Variants in GABRB3 observed in about 807,000 individuals in gnomAD.
GABRB3 encodes gamma-aminobutyric acid receptor subunit beta-3.
Under a neutral mutation model 52.1 loss-of-function variants are expected in GABRB3, and 14 were observed. That is an observed-to-expected ratio of 0.27 (90% CI 0.18 to 0.42). The LOEUF is 0.42. Ranked by LOEUF, GABRB3 falls within the 10% of genes least tolerant of loss-of-function variation. The pLI, the probability that GABRB3 is intolerant of heterozygous loss-of-function variation, is 1.00. For missense variants in GABRB3, 307 were observed against 609.1 expected (o/e 0.50, Z 5.22); for synonymous variants, 260 against 232.3 (o/e 1.12, Z -1.08).
chr15:26,635,095 C>A (rs190488448), intron 3 of GABRB3, among the ~76,000 whole-genome samples: 1 of 144,106 alleles, frequency 6.9e-6, no homozygotes, highest in African/African-American at 2.6e-5. Flanking sequence ...TTTTATTTTC[C>A]GGCAACTATC....
chr15:26,673,067 T>G (rs1887948255), intron 3 of GABRB3, among the ~76,000 whole-genome samples: 1 of 152,210 alleles, frequency 6.6e-6, no homozygotes, highest in Non-Finnish European at 1.5e-5. Context: ...ATTGACCTCC[T>G]ATCGTGTTTT....
At chr15:26,748,150 T>A (rs1044024364) in intron 3 of GABRB3, among the ~76,000 whole-genome samples, 6 of 152,112 alleles carry the variant, frequency 3.9e-5, no homozygotes, top group African/African-American at 7.2e-5. Context: ...TTTTGTGCCA[T>A]TGTTCTTGAG....
intron 4 of GABRB3, among the ~76,000 whole-genome samples, chr15:26,609,404 C>G (rs2140515150): frequency 6.6e-6 from 1 of 152,230 alleles, no homozygotes; most frequent in Middle Eastern, 3.4e-3. Flanking sequence ...ATTATGTGAA[C>G]AAACTATATC....
chr15:26,592,115 G>A (rs1891231262), intron 4 of GABRB3, among the ~76,000 whole-genome samples: 1 of 152,214 alleles, frequency 6.6e-6, no homozygotes, highest in Non-Finnish European at 1.5e-5. Context: ...AGCTGTCACA[G>A]CTGGAGGAAG....
At chr15:26,568,430 G>C (rs1377844570) in intron 6 of GABRB3, among the ~76,000 whole-genome samples, 1 of 152,058 alleles carries the variant, frequency 6.6e-6, no homozygotes, top group East Asian at 1.9e-4. Context: ...GACAGAGTGA[G>C]AAAATATGCC....
At chr15:26,622,514 G>T (rs921782603) in intron 3 of GABRB3, among the ~76,000 whole-genome samples, 4 of 152,176 alleles carry the variant, frequency 2.6e-5, no homozygotes, top group African/African-American at 9.7e-5. Context: ...TCCAACCACG[G>T]AGGGGAAAAA....
intron 3 of GABRB3, among the ~76,000 whole-genome samples, chr15:26,682,455 A>C (rs998842108): frequency 3.2e-4 from 49 of 152,336 alleles, no homozygotes; most frequent in African/African-American, 1.2e-3. Context: ...GTACTGACAT[A>C]ACCCCATGCA....
At chr15:26,580,712 A>G in intron 5 of GABRB3, 1 of 546,094 alleles carries the variant, frequency 1.8e-6, no homozygotes. Context: ...CCAGAGTTCT[A>G]TTTGCGAAGT....
At chr15:26,623,532 A>G (rs1349197823) in intron 3 of GABRB3, among the ~76,000 whole-genome samples, 3 of 132,516 alleles carry the variant, frequency 2.3e-5, no homozygotes, top group Non-Finnish European at 3.5e-5. Flanking sequence ...CACCCCAACC[A>G]TCTCTTTTGT....
chr15:26,664,704 GTTTTTTT>G (rs1162139952), intron 3 of GABRB3, among the ~76,000 whole-genome samples: 1 of 95,224 alleles, frequency 1.1e-5, no homozygotes, highest in Non-Finnish European at 1.9e-5. Context: ...TCTTTTCTTT[GTTTTTTT>G]TTTTTTTTTT....
At chr15:26,755,689 A>C in intron 3 of GABRB3, among the ~76,000 whole-genome samples, 1 of 152,194 alleles carries the variant, frequency 6.6e-6, no homozygotes, top group African/African-American at 2.4e-5. Context: ...GGACATTCCA[A>C]TGGGAGCCCA....
chr15:26,549,175 T>G (rs1445291636), intron 8 of GABRB3, among the ~76,000 whole-genome samples: 5 of 152,240 alleles, frequency 3.3e-5, no homozygotes, highest in Non-Finnish European at 7.3e-5. Context: ...TGTGTAGGAA[T>G]AATTTATTGC....
At chr15:26,709,708 A>G (rs550523535) in intron 3 of GABRB3, among the ~76,000 whole-genome samples, 6 of 151,920 alleles carry the variant, frequency 3.9e-5, no homozygotes, top group East Asian at 2.0e-4. Context: ...TAGTAGAGAC[A>G]GGGTTTCACC....
chr15:26,688,398 G>A (rs12593482), intron 3 of GABRB3, among the ~76,000 whole-genome samples: 2 of 152,122 alleles, frequency 1.3e-5, no homozygotes, highest in Non-Finnish European at 2.9e-5. Flanking sequence ...CTGACTTGAG[G>A]CTGAACCAGC....
chr15:26,620,399 T>A (rs1892438663), intron 4 of GABRB3, among the ~76,000 whole-genome samples: 1 of 152,220 alleles, frequency 6.6e-6, no homozygotes, highest in African/African-American at 2.4e-5. Context: ...TATACTGTTA[T>A]GATTTCGCTT....
intron 3 of GABRB3, among the ~76,000 whole-genome samples, chr15:26,678,776 G>C (rs1019348833): frequency 6.6e-6 from 1 of 152,160 alleles, no homozygotes; most frequent in Non-Finnish European, 1.5e-5. Context: ...CTGGAGCCCT[G>C]GTTGCTGGGA....
In GABRB3 at chr15:26,718,231, G is replaced by A. The variant is rs576240917; in HGVS notation, c.240+54171C>T. 2.0e-4 allele frequency among the ~76,000 whole-genome samples: 30 copies of A among 151,790 alleles called. No individual in the cohort carries two copies. In the South Asian group the frequency reaches 2.1e-3, roughly 11 times the overall value. On this transcript the variant is annotated intron_variant, in intron 3 of 8. Transcript: ENST00000311550. ...ATTTATTTATTTATTTTTTTGGGAC[G>A]GAGTTTTGCTCTTGTTACCCAGGCT...
At chr15:26,600,617 A>G (rs1035219190) in intron 4 of GABRB3, among the ~76,000 whole-genome samples, 1 of 152,212 alleles carries the variant, frequency 6.6e-6, no homozygotes, top group Non-Finnish European at 1.5e-5. Context: ...AACCAAGAAT[A>G]TTTATCCAGT....
intron 3 of GABRB3, among the ~76,000 whole-genome samples, chr15:26,719,093 G>C (rs1038399942): frequency 2.0e-5 from 3 of 152,226 alleles, no homozygotes; most frequent in Non-Finnish European, 4.4e-5. Context: ...CTGACCTCTG[G>C]GCAGGCACAT....
Sources: gnomAD v4.1 joint callset for allele counts (sites outside exome capture counted in the v4.1 genomes callset) on GRCh38, gnomAD v4.1.1 for gene constraint, MANE v1.5 for transcripts, NCBI Gene and HGNC (gene_info 2026-07-23, HGNC 2026-07-21) for gene names.